Variants in CNTRL observed in about 807,000 individuals in gnomAD.
CNTRL encodes centriolin.
A neutral mutation model predicts 303.7 loss-of-function variants in CNTRL; 233 were observed. The ratio of observed to expected loss-of-function variants is 0.77; its 90% CI spans 0.69 to 0.86. The LOEUF (loss-of-function observed/expected upper bound fraction) is 0.86. Ranked by LOEUF, CNTRL falls within the 40% of genes least tolerant of loss-of-function variation. The pLI, the probability that CNTRL is intolerant of heterozygous loss-of-function variation, is 0.00. For missense variants in CNTRL, 2,524 were observed against 2,650.6 expected, an observed-to-expected ratio of 0.95 and a Z score of 1.05; for synonymous variants, 900 against 922.2, an observed-to-expected ratio of 0.98 and a Z score of 0.44.
At chr9:121,096,601 TA>T in intron 6 of CNTRL, 38 bp downstream of exon 6, 1 of 1,354,046 alleles carries the variant, frequency 7.4e-7, no homozygotes, top group Admixed American at 2.7e-5. Context: ...TTAGACTTGT[TA>T]AAAAATAAAA....
intron 19 of CNTRL, 115 bp downstream of exon 19, chr9:121,142,385 G>A: frequency 1.1e-6 from 1 of 882,428 alleles, no homozygotes; most frequent in Non-Finnish European, 1.7e-6. Context: ...CTGCATTGCT[G>A]GCACAGTGCT....
chr9:121,115,226 T>C (rs1395871045), intron 11 of CNTRL, 26 bp downstream of exon 11: 2 of 1,253,778 alleles, frequency 1.6e-6, no homozygotes, highest in Admixed American at 2.0e-5. Flanking sequence ...GCAGCAATGC[T>C]AAGAGGAAAT....
At chr9:121,175,560 C>T (rs777116146) in intron 43 of CNTRL, among the ~76,000 whole-genome samples, 24 of 152,208 alleles carry the variant, frequency 1.6e-4, no homozygotes, top group African/African-American at 4.1e-4. Flanking sequence ...TGAGCCACCA[C>T]GCTGAGCCAA....
At chr9:121,084,182 C>T (rs138957489) in intron 2 of CNTRL, among the ~76,000 whole-genome samples, 32 of 150,700 alleles carry the variant, frequency 2.1e-4, no homozygotes, top group African/African-American at 7.6e-4. Flanking sequence ...TGTAGCCTTG[C>T]TCGAGATCTA....
intron 36 of CNTRL, among the ~76,000 whole-genome samples, chr9:121,166,514 G>A (rs1439864123): frequency 6.6e-6 from 1 of 152,116 alleles, no homozygotes; most frequent in East Asian, 1.9e-4. Context: ...CACAGATGAG[G>A]CCTCTAAAGG....
intron 31 of CNTRL, among the ~76,000 whole-genome samples, chr9:121,159,640 G>T (rs190064696): frequency 2.0e-5 from 3 of 151,366 alleles, no homozygotes; most frequent in Middle Eastern, 6.8e-3. Context: ...AGCCGAGATC[G>T]TGCCACTGCA....
At chr9:121,125,620 A>T (rs781006934) in intron 13 of CNTRL, 96 bp from the exon 14 acceptor site, 25 of 1,065,620 alleles carry the variant, frequency 2.3e-5, no homozygotes, top group Non-Finnish European at 3.5e-5. Context: ...AAGAATTGAA[A>T]GCTTAGAATT....
At chr9:121,157,394 T>C in intron 27 of CNTRL, 76 bp from the exon 28 acceptor site, 8 of 1,443,022 alleles carry the variant, frequency 5.5e-6, no homozygotes, top group Non-Finnish European at 9.4e-7. Context: ...CCAAAAGAGC[T>C]GTACTGGTTT....
intron 25 of CNTRL, among the ~76,000 whole-genome samples, chr9:121,151,414 G>T (rs1294536867): frequency 7.3e-5 from 4 of 55,076 alleles, no homozygotes; most frequent in Non-Finnish European, 8.1e-5. Flanking sequence ...TTTTTGAGAC[G>T]GACTTGTTCT....
At chr9:121,126,236 A>G (rs1382005703) in intron 14 of CNTRL, among the ~76,000 whole-genome samples, 1 of 152,248 alleles carries the variant, frequency 6.6e-6, no homozygotes, top group Non-Finnish European at 1.5e-5. Context: ...CAAATATTGT[A>G]TTAAATGCTC....
At chr9:121,101,135 A>T (rs539857792) in intron 7 of CNTRL, among the ~76,000 whole-genome samples, 2 of 152,322 alleles carry the variant, frequency 1.3e-5, no homozygotes, top group East Asian at 3.9e-4. Flanking sequence ...TCCAAAATTG[A>T]CCACATAGTT....
At chr9:121,162,339 A>C in intron 34 of CNTRL, 68 bp downstream of exon 34, 1 of 1,343,868 alleles carries the variant, frequency 7.4e-7, no homozygotes, top group Non-Finnish European at 1.1e-6. Flanking sequence ...ACACACTATA[A>C]AAAATTTGGA....
At chr9:121,122,415 C>T in intron 12 of CNTRL, 1 of 984,870 alleles carries the variant, frequency 1.0e-6, no homozygotes, top group Non-Finnish European at 1.2e-6. Context: ...ACGTTTCTTT[C>T]TTGTATTTGG....
At chr9:121,148,045 C>G (rs936715044) in intron 23 of CNTRL, among the ~76,000 whole-genome samples, 1 of 152,126 alleles carries the variant, frequency 6.6e-6, no homozygotes, top group Non-Finnish European at 1.5e-5. Flanking sequence ...GCCTCAGTCA[C>G]TGGGCCATCA....
chr9:121,143,956 A>G lies in CNTRL; in HGVS notation c.2925A>G (p.Glu975=), dbSNP rs2051680078. Residue 975 remains glutamate, a synonymous_variant, in exon 20 of 44, where the codon GAA becomes GAG. Coordinates refer to ENST00000373855, the MANE Select transcript of CNTRL (RefSeq NM_007018.6). The part of the protein sequence containing the change: ...SQEQVFGLDK[E]LKKLKKAVAT... Reference sequence around the variant, plus strand: ...AGCAAGTTTTTGGTTTAGATAAAGAACTGAAGAAACTAAAGAAAGCCGTGG... The same window carrying G: ...AGCAAGTTTTTGGTTTAGATAAAGAGCTGAAGAAACTAAAGAAAGCCGTGG... The G allele has an allele frequency of 6.2e-7, 1 of 1,613,306 alleles. No individual in the cohort carries two copies. Among genetic ancestry groups the G allele is most frequent in the Non-Finnish European group, 8.5e-7 (1 of 1,179,758 alleles).
intron 1 of CNTRL, among the ~76,000 whole-genome samples, chr9:121,075,940 T>C (rs1409806211): frequency 6.6e-6 from 1 of 152,168 alleles, no homozygotes; most frequent in Non-Finnish European, 1.5e-5. Context: ...CTTTTAACTG[T>C]TCAGGTACAT....
At chr9:121,175,581 G>T (rs1412682417) in intron 43 of CNTRL, among the ~76,000 whole-genome samples, 1 of 152,154 alleles carries the variant, frequency 6.6e-6, no homozygotes, top group East Asian at 1.9e-4. Context: ...GAGGAAACTC[G>T]TAAGATAGGA....
intron 7 of CNTRL, among the ~76,000 whole-genome samples, chr9:121,104,644 G>C (rs920832629): frequency 2.6e-5 from 4 of 151,732 alleles, no homozygotes; most frequent in African/African-American, 7.3e-5. Flanking sequence ...AGATGGCACA[G>C]GGCCTTGGAA....
At chr9:121,177,012 C>A in intron 43 of CNTRL, 151 bp from the exon 44 acceptor site, 1 of 651,346 alleles carries the variant, frequency 1.5e-6, no homozygotes, top group South Asian at 1.8e-5. Context: ...TTTTTTCTCT[C>A]AGAATTTTGT....
Sources: allele counts gnomAD v4.1 joint callset (sites outside exome capture counted in the v4.1 genomes callset), GRCh38; gene constraint gnomAD v4.1.1; transcripts MANE v1.5; gene names NCBI Gene and HGNC (gene_info 2026-07-23, HGNC 2026-07-21).